Variants in FSIP1 observed in about 807,000 individuals in gnomAD.
FSIP1 encodes fibrous sheath interacting protein 1.
Under a neutral mutation model 60.9 loss-of-function variants are expected in FSIP1, and 65 were observed. The ratio of observed to expected loss-of-function variants is 1.07; its 90% CI spans 0.87 to 1.31. FSIP1 has a LOEUF of 1.31. FSIP1 is among the 40% of genes most tolerant of loss of function. The pLI is 0.00. For synonymous variants in FSIP1, 209 were observed against 221.2 expected, an observed-to-expected ratio of 0.94 and a Z score of 0.49; for missense variants, 675 against 665.5, an observed-to-expected ratio of 1.01 and a Z score of -0.16.
At chr15:39,771,170 G>T (rs1205198353) in intron 2 of FSIP1, among the ~76,000 whole-genome samples, 9 of 152,290 alleles carry the variant, frequency 5.9e-5, no homozygotes, top group Non-Finnish European at 1.5e-5. Flanking sequence ...GTTTTCCTAA[G>T]AGAGAACAGA....
intron 9 of FSIP1, among the ~76,000 whole-genome samples, chr15:39,720,308 C>T (rs1363140542): frequency 2.0e-5 from 3 of 152,186 alleles, no homozygotes; most frequent in African/African-American, 4.8e-5. Context: ...ATACAAACTA[C>T]AATTTTCCTC....
intron 10 of FSIP1, among the ~76,000 whole-genome samples, chr15:39,645,174 A>G (rs1432295057): frequency 6.6e-6 from 1 of 152,258 alleles, no homozygotes; most frequent in Non-Finnish European, 1.5e-5. Context: ...GAAACTTTCT[A>G]CATTCTTAGT....
intron 10 of FSIP1, among the ~76,000 whole-genome samples, chr15:39,693,231 G>T (rs193201172): frequency 1.3e-5 from 2 of 152,140 alleles, no homozygotes; most frequent in Non-Finnish European, 2.9e-5. Context: ...TTCACACCAC[G>T]TAATCAACCT....
chr15:39,770,323 T>C (rs1308967622), intron 3 of FSIP1, 104 bp downstream of exon 3: 1 of 808,658 alleles, frequency 1.2e-6, no homozygotes, highest in Non-Finnish European at 1.8e-6. Context: ...TATTTATATT[T>C]AGTTGATAAA....
intron 10 of FSIP1, among the ~76,000 whole-genome samples, chr15:39,659,651 G>C (rs115706180): frequency 0.017 from 2,166 of 124,868 alleles, 69 homozygotes; most frequent in African/African-American, 0.058. Context: ...AAAAGCAATG[G>C]CTTTTCAAAT....
chr15:39,619,160 A>AAG (rs1432990867), intron 10 of FSIP1, among the ~76,000 whole-genome samples: 38 of 152,236 alleles, frequency 2.5e-4, no homozygotes, highest in Admixed American at 2.5e-3. Flanking sequence ...ATAGTAAAAA[A>AAG]TAACTAAATA....
intron 10 of FSIP1, among the ~76,000 whole-genome samples, chr15:39,640,967 A>G (rs1248735549): frequency 6.6e-6 from 1 of 152,224 alleles, no homozygotes; most frequent in Non-Finnish European, 1.5e-5. Context: ...GTTACAGTTC[A>G]CCACAAGCAC....
chr15:39,713,610 T>C (rs1293937950), intron 9 of FSIP1, 29 bp from the exon 10 acceptor site: 2 of 1,570,700 alleles, frequency 1.3e-6, no homozygotes, highest in Non-Finnish European at 1.7e-6. Context: ...AAAAACATCA[T>C]TCACAGGCTG....
chr15:39,716,719 C>T (rs1895751781), intron 9 of FSIP1, among the ~76,000 whole-genome samples: 1 of 151,644 alleles, frequency 6.6e-6, no homozygotes, highest in Non-Finnish European at 1.5e-5. Flanking sequence ...ACTGTGAACA[C>T]CAAATGTTGG....
At chr15:39,638,441 G>A (rs10520140) in intron 10 of FSIP1, among the ~76,000 whole-genome samples, 3,505 of 152,256 alleles carry the variant, frequency 0.023, 130 homozygotes, top group African/African-American at 0.08. Context: ...GATTTTAGAC[G>A]CTTTGCCATT....
chr15:39,741,192 C>T (rs1418396527), intron 6 of FSIP1, among the ~76,000 whole-genome samples: 1 of 152,190 alleles, frequency 6.6e-6, no homozygotes, highest in Non-Finnish European at 1.5e-5. Flanking sequence ...AAACTGAATG[C>T]AGCCATGTTT....
chr15:39,600,686 C>A lies in FSIP1; in HGVS notation c.*194G>T. On this transcript the variant is annotated 3_prime_UTR_variant, in exon 12 of 12. Coordinates refer to ENST00000350221, the MANE Select transcript of FSIP1 (RefSeq NM_152597.5). ...CAATGGTCCCAGAAATTTTAATGAG[C>A]AAAAACCACTGAACAATTACACCCC... 2.0e-6 allele frequency: 1 copy of A among 491,510 alleles called. No homozygotes were observed. The highest frequency in any genetic ancestry group is 3.6e-6 in the Non-Finnish European group (1 of 278,990). 30.4% of individuals were successfully genotyped at this position (491,510 alleles called of 1,614,324 possible). A position where few individuals can be genotyped will look rare whatever the true frequency, so the allele number is the denominator to read the frequency against.
intron 8 of FSIP1, among the ~76,000 whole-genome samples, chr15:39,732,928 C>A (rs562654140): frequency 1.4e-3 from 206 of 152,304 alleles, no homozygotes; most frequent in South Asian, 2.9e-3. Flanking sequence ...ACTGCTTCTT[C>A]CTCTGAATTT....
chr15:39,681,604 T>A (rs1894165918), intron 10 of FSIP1, among the ~76,000 whole-genome samples: 1 of 152,142 alleles, frequency 6.6e-6, no homozygotes, highest in African/African-American at 2.4e-5. Context: ...ACTATATTAT[T>A]CCAATATGGA....
At chr15:39,701,035 C>T (rs894011065) in intron 10 of FSIP1, among the ~76,000 whole-genome samples, 9 of 152,074 alleles carry the variant, frequency 5.9e-5, no homozygotes, top group African/African-American at 1.9e-4. Flanking sequence ...GCCTGTAGTC[C>T]CAGCTATTTG....
chr15:39,750,985 T>G (rs1163988385), intron 5 of FSIP1, among the ~76,000 whole-genome samples: 1 of 151,914 alleles, frequency 6.6e-6, no homozygotes, highest in Non-Finnish European at 1.5e-5. Context: ...TAGATATTTT[T>G]TCAAAGAAAA....
At chr15:39,713,250 G>C (rs1415973896) in intron 10 of FSIP1, among the ~76,000 whole-genome samples, 194 bp downstream of exon 10, 4 of 152,088 alleles carry the variant, frequency 2.6e-5, no homozygotes, top group Admixed American at 1.3e-4. Context: ...TTTGGTACAA[G>C]TGTTGGTTAC....
chr15:39,602,936 A>T (rs1566846939), intron 11 of FSIP1, among the ~76,000 whole-genome samples: 1 of 152,148 alleles, frequency 6.6e-6, no homozygotes, highest in Non-Finnish European at 1.5e-5. Context: ...TCATCAATAT[A>T]CCTAGAACAA....
rs2140625106 is a variant in FSIP1, at chr15:39,735,464, T to C, written c.891+2627A>G. Reference sequence around the variant, plus strand: ...AAATATGGTATAAAAATCTTTTTAATGGCATACCTGTAAAGGGCACTTAAC... The same window carrying C: ...AAATATGGTATAAAAATCTTTTTAACGGCATACCTGTAAAGGGCACTTAAC... On this transcript the variant is annotated intron_variant, in intron 8 of 11. Transcript: ENST00000350221. 2.0e-5 allele frequency among the ~76,000 whole-genome samples: 3 copies of C among 152,328 alleles called. No homozygotes were observed. In the South Asian group the frequency reaches 6.2e-4, roughly 32 times the overall value.
Sources: gnomAD v4.1 joint callset for allele counts (sites outside exome capture counted in the v4.1 genomes callset) on GRCh38, gnomAD v4.1.1 for gene constraint, MANE v1.5 for transcripts, NCBI Gene and HGNC (gene_info 2026-07-23, HGNC 2026-07-21) for gene names.